The following EPN2 variants were observed in gnomAD, a reference collection of about 807,000 sequenced individuals.
EPN2 encodes epsin 2, also known as epsin-2.
A neutral mutation model predicts 61.7 loss-of-function variants in EPN2; 34 were observed. That is an observed-to-expected ratio of 0.55 (90% CI 0.42 to 0.73). The LOEUF is 0.73. EPN2 is among the 30% of genes least tolerant of loss of function. The pLI, the probability that EPN2 is intolerant of heterozygous loss-of-function variation, is 0.00. For synonymous variants in EPN2, 349 were observed against 353.6 expected (o/e 0.99, Z 0.15); for missense variants, 714 against 839.2 (o/e 0.85, Z 1.84).
intron 1 of EPN2, among the ~76,000 whole-genome samples, chr17:19,241,630 G>T (rs894750536): frequency 1.3e-5 from 2 of 150,396 alleles, no homozygotes; most frequent in Admixed American, 6.6e-5. Context: ...TGATAAGTTC[G>T]TCAATGGAAT....
At chr17:19,243,780 C>G (rs780699598) in intron 1 of EPN2, among the ~76,000 whole-genome samples, 41 of 152,136 alleles carry the variant, frequency 2.7e-4, no homozygotes, top group African/African-American at 9.4e-4. Context: ...CTCAAGTGAT[C>G]CGCTTGTCTT....
At chr17:19,320,578 CTG>C (rs1389103253) in intron 7 of EPN2, among the ~76,000 whole-genome samples, 1 of 152,206 alleles carries the variant, frequency 6.6e-6, no homozygotes, top group African/African-American at 2.4e-5. Context: ...ACCCCAGAAT[CTG>C]TGTGTATGCA....
intron 1 of EPN2, among the ~76,000 whole-genome samples, chr17:19,253,372 C>T (rs2045035671): frequency 1.4e-5 from 2 of 145,470 alleles, no homozygotes; most frequent in Admixed American, 6.8e-5. Flanking sequence ...GTGGTGGACA[C>T]TTGGGTTGTT....
intron 1 of EPN2, among the ~76,000 whole-genome samples, chr17:19,262,355 G>A (rs569488465): frequency 3.9e-5 from 6 of 152,152 alleles, no homozygotes; most frequent in Admixed American, 3.3e-4. Flanking sequence ...GCACATGCCT[G>A]TAATCCCAGC....
At chr17:19,270,216 G>A (rs925838363) in intron 1 of EPN2, among the ~76,000 whole-genome samples, 2 of 152,212 alleles carry the variant, frequency 1.3e-5, no homozygotes, top group Non-Finnish European at 2.9e-5. Context: ...TGCTCAGTTA[G>A]TATTCACTAG....
intron 1 of EPN2, among the ~76,000 whole-genome samples, chr17:19,268,509 G>A (rs921491079): frequency 6.6e-6 from 1 of 152,112 alleles, no homozygotes; most frequent in Non-Finnish European, 1.5e-5. Context: ...GATTATAGGC[G>A]TGAGCCACCA....
chr17:19,253,710 T>A (rs1344066055), intron 1 of EPN2, among the ~76,000 whole-genome samples: 1 of 152,208 alleles, frequency 6.6e-6, no homozygotes, highest in Non-Finnish European at 1.5e-5. Flanking sequence ...ATAGTTGCCA[T>A]TTTAATTTAA....
intron 1 of EPN2, among the ~76,000 whole-genome samples, chr17:19,256,139 A>G (rs375544754): frequency 4.0e-4 from 61 of 151,958 alleles, no homozygotes; most frequent in East Asian, 1.6e-3. Flanking sequence ...GGGTTTCACC[A>G]TGTTAGCCAG....
chr17:19,306,251 C>G (rs1905836816), intron 4 of EPN2: 1 of 152,292 alleles, frequency 6.6e-6, no homozygotes, highest in Non-Finnish European at 1.5e-5. Context: ...GCCTGTCTCA[C>G]AACGACGTCT....
intron 4 of EPN2, among the ~76,000 whole-genome samples, chr17:19,305,768 C>T (rs1905809545): frequency 6.6e-6 from 1 of 152,154 alleles, no homozygotes; most frequent in South Asian, 2.1e-4. Context: ...AGGGTGGACT[C>T]GAGTGGGAGA....
At chr17:19,238,129 C>T (rs1022421403) in intron 1 of EPN2, among the ~76,000 whole-genome samples, 54 of 152,356 alleles carry the variant, frequency 3.5e-4, no homozygotes, top group Non-Finnish European at 5.7e-4. Flanking sequence ...CCAGCCCCCA[C>T]TCCCACGGAA....
At chr17:19,252,080 T>C (rs1290693225) in intron 1 of EPN2, among the ~76,000 whole-genome samples, 1 of 152,194 alleles carries the variant, frequency 6.6e-6, no homozygotes, top group Non-Finnish European at 1.5e-5. Context: ...TTGCTGCTGC[T>C]CAAGAAGTTT....
Position 19,283,115 on chromosome 17 carries a change from T to G in EPN2, c.-5T>G. 2 of 1,600,334 alleles carry G rather than the reference T, an allele frequency of 1.2e-6. No individual in the cohort carries two copies. Among genetic ancestry groups the G allele is most frequent in the Non-Finnish European group, 8.5e-7 (1 of 1,172,912 alleles). ...GGCTTTAAACTTATAACAAAGAAAA[T>G]AAAAATGACGACTTCGTCTATCAGA... is the stretch of plus-strand genomic sequence containing the variant. On this transcript the variant is annotated 5_prime_UTR_variant, in exon 3 of 11. Transcript: ENST00000314728. This position sits in a 1 kb window ranked among gnomAD's most constrained non-coding sequence, Gnocchi z 7.0.
At chr17:19,238,039 C>G (rs1327475000) in intron 1 of EPN2, among the ~76,000 whole-genome samples, 3 of 152,320 alleles carry the variant, frequency 2.0e-5, no homozygotes, top group Middle Eastern at 3.4e-3. Context: ...TTATCTCTGT[C>G]CGGGATCCCG....
In EPN2 at chr17:19,292,602, C is replaced by T. The variant is rs549505176; in HGVS notation, c.766+6812C>T. 9.8e-5 allele frequency among the ~76,000 whole-genome samples: 15 copies of T among 152,300 alleles called. No homozygotes were observed. In the East Asian group the frequency reaches 2.3e-3, roughly 23 times the overall value. On this transcript the variant is annotated intron_variant, in intron 4 of 10. Transcript: ENST00000314728. ...AGTAACATGAACACACCCTCAGAGG[C>T]AGCAGATTTATTGACACATCTATCC...
At chr17:19,265,022 C>T (rs6587194) in intron 1 of EPN2, among the ~76,000 whole-genome samples, 6,084 of 152,074 alleles carry the variant, frequency 0.04, 526 homozygotes, top group East Asian at 0.27. Context: ...AGGTGTGGAG[C>T]TGGGGATGAT....
chr17:19,246,913 G>A (rs1342030912), intron 1 of EPN2, among the ~76,000 whole-genome samples: 2 of 151,862 alleles, frequency 1.3e-5, no homozygotes, highest in Non-Finnish European at 2.9e-5. Context: ...GACTACAGGC[G>A]CCCGCCACCA....
At chr17:19,331,025 T>G (rs1052581724) in intron 9 of EPN2, among the ~76,000 whole-genome samples, 1 of 152,160 alleles carries the variant, frequency 6.6e-6, no homozygotes, top group East Asian at 1.9e-4. Flanking sequence ...GTTTTGAGTC[T>G]TTTTTGCTCA....
intron 1 of EPN2, among the ~76,000 whole-genome samples, chr17:19,243,092 C>T (rs1597964990): frequency 6.6e-6 from 1 of 152,156 alleles, no homozygotes; most frequent in African/African-American, 2.4e-5. Flanking sequence ...ATCACTACTT[C>T]ATGAAATAGA....
Sources: allele counts gnomAD v4.1 joint callset (sites outside exome capture counted in the v4.1 genomes callset), GRCh38; gene constraint gnomAD v4.1.1; non-coding constraint Gnocchi (gnomAD v3.1); transcripts MANE v1.5; gene names NCBI Gene and HGNC (gene_info 2026-07-23, HGNC 2026-07-21).